The following HMCN1 variants were observed in gnomAD, a reference collection of about 807,000 sequenced individuals.
The protein encoded by HMCN1 is hemicentin 1.
In HMCN1, 321 loss-of-function variants were observed where a neutral mutation model predicts 625.9. The ratio of observed to expected loss-of-function variants is 0.51; its 90% confidence interval spans 0.47 to 0.56. The LOEUF (loss-of-function observed/expected upper bound fraction) is 0.56. HMCN1 is among the 20% of genes least tolerant of loss of function. The pLI is 0.00. For missense variants in HMCN1, 6,588 were observed against 6,887.3 expected (o/e 0.96, Z 1.54); for synonymous variants, 2,425 against 2,417.6 (o/e 1.00, Z -0.09).
rs1017001411 is a variant in HMCN1, at chr1:186,093,170, A to T, written c.9924A>T (p.Gly3308=). 4.3e-6 allele frequency: 7 copies of T among 1,613,382 alleles called. No homozygotes were observed. The highest frequency in any genetic ancestry group is 5.9e-6 in the Non-Finnish European group (7 of 1,179,564). The change falls in exon 65 of 107, where the codon GGA becomes GGT. Residue 3308 remains glycine (G), a synonymous_variant. Coordinates refer to ENST00000271588, the MANE Select transcript of HMCN1 (RefSeq NM_031935.3). Reference sequence around the variant, plus strand: ...ATGGCAGCACATTAAACATTTATGGAGCTCTTACATCTGACACGGGGAAAT... The same window carrying T: ...ATGGCAGCACATTAAACATTTATGGTGCTCTTACATCTGACACGGGGAAAT... The part of the protein sequence containing the change: ...SANGSTLNIY[G]ALTSDTGKYT...
At chr1:186,159,023 G>T (rs1183930473) in intron 97 of HMCN1, among the ~76,000 whole-genome samples, 1 of 152,144 alleles carries the variant, frequency 6.6e-6, no homozygotes, top group Non-Finnish European at 1.5e-5. Context: ...ACCTTGGGCA[G>T]TATGGCCATT....
intron 1 of HMCN1, among the ~76,000 whole-genome samples, chr1:185,841,368 A>G (rs980943236): frequency 6.6e-6 from 1 of 152,222 alleles, no homozygotes; most frequent in Non-Finnish European, 1.5e-5. Context: ...AGTTTTCTGT[A>G]TCAACTTTAC....
chr1:185,946,577 A>G (rs1265925304), intron 11 of HMCN1, among the ~76,000 whole-genome samples: 2 of 152,218 alleles, frequency 1.3e-5, no homozygotes, highest in African/African-American at 4.8e-5. Context: ...AGATGCAGTA[A>G]AGAAAAGGCT....
intron 35 of HMCN1, among the ~76,000 whole-genome samples, chr1:186,020,901 G>A (rs984749854): frequency 2.0e-5 from 3 of 152,084 alleles, no homozygotes; most frequent in African/African-American, 7.2e-5. Flanking sequence ...AGGCACTTAA[G>A]TAAGGTTGAT....
Position 186,182,152 on chromosome 1 carries a change from T to A in HMCN1, c.16295-16T>A. 1 of 1,612,782 alleles carries A rather than the reference T, an allele frequency of 6.2e-7. No individual in the cohort carries two copies. Among genetic ancestry groups the A allele is most frequent in the East Asian group, 2.2e-5 (1 of 44,834 alleles). On this transcript the variant is annotated splice_polypyrimidine_tract_variant and intron_variant, in intron 104 of 106. Transcript: ENST00000271588. ...TTTCTTGTGTAGTGATAACTCTCTG[T>A]CTTCTTCCTGAACAGATATTGATGA...
rs568290303 is a variant in HMCN1 at position 186,015,152 on chromosome 1, TTTGTAGTTCCA to T, written c.4631-6_4635del. 3,314 of 1,612,660 alleles carry T rather than the reference TTTGTAGTTCCA, an allele frequency of 2.1e-3. 8 individuals are homozygous for T. The highest frequency in any genetic ancestry group is 2.5e-3 in the Non-Finnish European group (2,926 of 1,178,806). On this transcript the variant is annotated splice_acceptor_variant and splice_polypyrimidine_tract_variant and coding_sequence_variant and intron_variant, in exon 31 of 107. Coordinates refer to ENST00000271588, the MANE Select transcript of HMCN1 (RefSeq NM_031935.3). LOFTEE classifies it high-confidence loss of function. ...ATGACTTGTTTTTGTTCTGAAATCC[TTTGTAGTTCCA>T]CCTAGTATTAAAGGAGGAAATGTCA...
chr1:186,173,783 A>G (rs1262663630), intron 102 of HMCN1, among the ~76,000 whole-genome samples: 2 of 152,188 alleles, frequency 1.3e-5, no homozygotes, highest in Non-Finnish European at 2.9e-5. Flanking sequence ...TTGAAAGATC[A>G]GAAACTTTTT....
Position 186,113,896 on chromosome 1 carries a change from A to G in HMCN1, c.11132-83A>G, listed in dbSNP as rs1387180976. ...AAGCTATACATTTGACTCGAAGCTC[A>G]TCTTATATTACATCTTCAGGGTCTT... On this transcript the variant is annotated intron_variant, in intron 72 of 106. Transcript: ENST00000271588. 4 of 1,463,080 alleles carry G rather than the reference A, an allele frequency of 2.7e-6. No homozygotes were observed. The East Asian group carries it at 9.1e-5, about 33-fold the overall frequency. 90.6% of individuals were successfully genotyped at this position (1,463,080 alleles called of 1,614,324 possible).
In HMCN1 at chr1:185,990,255, A is replaced by G. The variant is rs1162802370; in HGVS notation, c.3209-20A>G. 2 of 1,610,728 alleles carry G rather than the reference A, an allele frequency of 1.2e-6. No individual in the cohort carries two copies. The highest frequency in any genetic ancestry group is 2.2e-5 in the South Asian group (2 of 91,000). ...GTTTTCAATATACTGTTTCCCTTCC[A>G]AAACATGTGTTTATTTTAGTAAGGC... is the stretch of plus-strand genomic sequence containing the variant. On this transcript the variant is annotated intron_variant, in intron 21 of 106. Coordinates refer to ENST00000271588, the MANE Select transcript of HMCN1 (RefSeq NM_031935.3).
chr1:186,055,253 C>G, intron 44 of HMCN1, 140 bp from the exon 45 acceptor site: 1 of 778,612 alleles, frequency 1.3e-6, no homozygotes, highest in Non-Finnish European at 2.1e-6. Context: ...AACATCATGT[C>G]TGTTAGTCCT....
intron 30 of HMCN1, among the ~76,000 whole-genome samples, chr1:186,008,362 C>T (rs983621830): frequency 6.6e-6 from 1 of 151,990 alleles, no homozygotes; most frequent in Non-Finnish European, 1.5e-5. Flanking sequence ...ATATCAAAAG[C>T]TTAATATGAA....
At chr1:185,854,754 G>A (rs140934569) in intron 2 of HMCN1, among the ~76,000 whole-genome samples, 175 of 151,974 alleles carry the variant, frequency 1.2e-3, no homozygotes, top group East Asian at 5.2e-3. Flanking sequence ...TAAAATTTGC[G>A]TACCTCAAAC....
intron 4 of HMCN1, among the ~76,000 whole-genome samples, chr1:185,889,922 T>C (rs1161375709): frequency 6.7e-6 from 1 of 148,252 alleles, no homozygotes; most frequent in Non-Finnish European, 1.5e-5. Flanking sequence ...AGAATTCGGC[T>C]GTGAATCCAT....
intron 1 of HMCN1, among the ~76,000 whole-genome samples, chr1:185,762,642 G>C (rs976816507): frequency 1.2e-4 from 18 of 152,124 alleles, no homozygotes; most frequent in African/African-American, 3.9e-4. Flanking sequence ...AGATAGGATA[G>C]ATGAATTTCA....
rs369963225 is a variant in HMCN1, at chr1:185,744,075, G to A, written c.268+9028G>A. ...GCAATCTCGGCTCACTGCAAGCTCC[G>A]CCTCCCGGGTTCACGCCATTCTCCT... On this transcript the variant is annotated intron_variant, in intron 1 of 106. Coordinates refer to ENST00000271588, the MANE Select transcript of HMCN1 (RefSeq NM_031935.3). Among the ~76,000 whole-genome samples, 532 of 136,310 alleles carry A rather than the reference G, an allele frequency of 3.9e-3. 1 individual carries two copies. Among genetic ancestry groups the A allele is most frequent in the Middle Eastern group, 0.031 (8 of 262 alleles). 89.4% of individuals were successfully genotyped at this position (136,310 alleles called of 152,430 possible). A position where few individuals can be genotyped will look rare whatever the true frequency, so the allele number is the denominator to read the frequency against.
At chr1:186,119,653 AT>A in intron 78 of HMCN1, 91 bp from the exon 79 acceptor site, 1 of 1,254,920 alleles carries the variant, frequency 8.0e-7, no homozygotes, top group Non-Finnish European at 1.2e-6. Flanking sequence ...TTTTAGAATT[AT>A]GAATTTGGGT....
intron 85 of HMCN1, among the ~76,000 whole-genome samples, chr1:186,132,003 G>A (rs1661963071): frequency 6.6e-6 from 1 of 151,934 alleles, no homozygotes; most frequent in Non-Finnish European, 1.5e-5. Context: ...TTTTTCTTTA[G>A]TAAGATAATT....
At chr1:185,972,365 C>T (rs1181391269) in intron 15 of HMCN1, among the ~76,000 whole-genome samples, 1 of 152,180 alleles carries the variant, frequency 6.6e-6, no homozygotes, top group Non-Finnish European at 1.5e-5. Context: ...TCCAGTGATA[C>T]ACCATATAAG....
At chr1:185,924,185 TC>T (rs1667146101) in intron 8 of HMCN1, among the ~76,000 whole-genome samples, 1 of 148,178 alleles carries the variant, frequency 6.7e-6, no homozygotes, top group African/African-American at 2.5e-5. Context: ...GAGCTATTTT[TC>T]AAGGCTCATG....
Sources: gnomAD v4.1 joint callset for allele counts (sites outside exome capture counted in the v4.1 genomes callset) on GRCh38, gnomAD v4.1.1 for gene constraint, MANE v1.5 for transcripts, NCBI Gene and HGNC (gene_info 2026-07-23, HGNC 2026-07-21) for gene names.